The following RBM20 variants were observed in gnomAD, a reference collection of about 807,000 sequenced individuals.
RBM20 encodes RNA binding motif protein 20, also known as RNA-binding protein 20.
RBM20 carries 51 observed loss-of-function variants against 110.1 expected under a neutral mutation model. The observed-to-expected ratio is 0.46, with a 90% CI of 0.37 to 0.59. RBM20 has a LOEUF of 0.59. RBM20 is among the 20% of genes least tolerant of loss of function. The pLI is 0.00. For synonymous variants in RBM20, 589 were observed against 618.2 expected (o/e 0.95, Z 0.70); for missense variants, 1,512 against 1,574.9 (o/e 0.96, Z 0.68).
In RBM20 at chr10:110,784,429, GAAGGTGAGC is replaced by G. The variant is rs1407946459; in HGVS notation, c.1429+2_1429+10del. Reference sequence around the variant, plus strand: ...AGCTGTTTATAACCCTGCTGGGAATGAAGGTGAGCAAGGCCCTACAGGTCAGCAGCTTGA... The same window carrying G: ...AGCTGTTTATAACCCTGCTGGGAATGAAGGCCCTACAGGTCAGCAGCTTGA... On this transcript the variant is annotated splice_donor_variant and splice_donor_5th_base_variant and coding_sequence_variant and intron_variant, in exon 4 of 14. Transcript: ENST00000369519. LOFTEE classifies it high-confidence loss of function. 1 of 1,550,772 alleles carries G rather than the reference GAAGGTGAGC, an allele frequency of 6.4e-7. No homozygotes were observed. Among genetic ancestry groups the G allele is most frequent in the African/African-American group, 1.4e-5 (1 of 73,048 alleles).
At chr10:110,666,029 A>C (rs1255693413) in intron 1 of RBM20, among the ~76,000 whole-genome samples, 1 of 149,698 alleles carries the variant, frequency 6.7e-6, no homozygotes, top group Admixed American at 6.6e-5. Flanking sequence ...GGAAGGAAGG[A>C]AGGAAGGAAA....
At chr10:110,712,250 T>C (rs1249201950) in intron 1 of RBM20, among the ~76,000 whole-genome samples, 1 of 152,216 alleles carries the variant, frequency 6.6e-6, no homozygotes, top group African/African-American at 2.4e-5. Flanking sequence ...ATGCCAGCTC[T>C]GGCCCTCATT....
intron 1 of RBM20, among the ~76,000 whole-genome samples, chr10:110,649,827 T>C (rs1288403125): frequency 1.3e-5 from 2 of 152,202 alleles, no homozygotes; most frequent in African/African-American, 4.8e-5. Flanking sequence ...GGCAGTTCCC[T>C]TTCTGTTTAA....
At chr10:110,691,473 A>G (rs1862584824) in intron 1 of RBM20, among the ~76,000 whole-genome samples, 2 of 152,144 alleles carry the variant, frequency 1.3e-5, no homozygotes. Context: ...TGGCCATCCT[A>G]GTAGGTGTGA....
At chr10:110,727,412 T>TAAAAAAAAAAAATAAAAAAAAAAAATAA (rs753041080) in intron 1 of RBM20, among the ~76,000 whole-genome samples, 6 of 68,910 alleles carry the variant, frequency 8.7e-5, no homozygotes, top group African/African-American at 2.3e-4. Context: ...AAAATAAAAA[T>TAAAAAAAAAAAATAAAAAAAAAAAATAA]AAAAAAAAAA....
chr10:110,682,044 C>A (rs894837838), intron 1 of RBM20, among the ~76,000 whole-genome samples: 4 of 152,146 alleles, frequency 2.6e-5, no homozygotes, highest in Admixed American at 6.5e-5. Flanking sequence ...TGCCCATCAC[C>A]ATGCCCGGCT....
intron 8 of RBM20, among the ~76,000 whole-genome samples, chr10:110,810,846 CGT>C (rs34289852): frequency 1.1e-4 from 17 of 149,036 alleles, no homozygotes; most frequent in African/African-American, 2.2e-4. Flanking sequence ...CATGTGTGTG[CGT>C]GTGTGTGTGT....
At chr10:110,749,805 A>C (rs1432101824) in intron 1 of RBM20, among the ~76,000 whole-genome samples, 1 of 152,204 alleles carries the variant, frequency 6.6e-6, no homozygotes, top group Non-Finnish European at 1.5e-5. Flanking sequence ...TCTATAAAAA[A>C]AGATACTAGA....
chr10:110,818,047 A>G (rs1000844540), intron 9 of RBM20, among the ~76,000 whole-genome samples: 14 of 152,034 alleles, frequency 9.2e-5, no homozygotes, highest in Admixed American at 9.2e-4. Flanking sequence ...TGGGAGGCTG[A>G]GGCAGGCAGA....
At chr10:110,676,055 G>A (rs57124143) in intron 1 of RBM20, among the ~76,000 whole-genome samples, 5,610 of 152,260 alleles carry the variant, frequency 0.037, 353 homozygotes, top group African/African-American at 0.13. Context: ...GATAGTGGGC[G>A]CTGGATTTCT....
chr10:110,660,312 C>G (rs1453514398), intron 1 of RBM20, among the ~76,000 whole-genome samples: 2 of 152,124 alleles, frequency 1.3e-5, no homozygotes, highest in Admixed American at 6.5e-5. Flanking sequence ...GAGACTTACT[C>G]CAACCACCCT....
At position 110,727,143 on chromosome 10, in the gene RBM20, C is replaced by CTTT. The variant is rs57606079; in HGVS notation, c.192-53631_192-53629dup. Among the ~76,000 whole-genome samples, 451 of 80,630 alleles carry CTTT rather than the reference C, an allele frequency of 5.6e-3. 15 individuals are homozygous for CTTT. Among genetic ancestry groups the CTTT allele is most frequent in the Non-Finnish European group, 8.2e-3 (355 of 43,486 alleles). 52.9% of individuals were successfully genotyped at this position (80,630 alleles called of 152,430 possible). ...ACAGGCGTGAGTCACTGCACCCAGC[C>CTTT]TTTTTTTTTTTTTTTTTTTTTTTTT... On this transcript the variant is annotated intron_variant, in intron 1 of 13. Transcript: ENST00000369519.
At chr10:110,652,257 T>G (rs1460588810) in intron 1 of RBM20, among the ~76,000 whole-genome samples, 2 of 152,140 alleles carry the variant, frequency 1.3e-5, no homozygotes, top group Non-Finnish European at 2.9e-5. Flanking sequence ...TGAAAAGATG[T>G]GTATGAGTGT....
chr10:110,705,665 T>A (rs1333027122), intron 1 of RBM20, among the ~76,000 whole-genome samples: 1 of 152,240 alleles, frequency 6.6e-6, no homozygotes, highest in Non-Finnish European at 1.5e-5. Context: ...GTAATACACA[T>A]ATGCTAATTT....
chr10:110,810,117 G>T (rs910237605), intron 7 of RBM20, among the ~76,000 whole-genome samples: 44 of 151,928 alleles, frequency 2.9e-4, no homozygotes, highest in African/African-American at 9.4e-4. Flanking sequence ...AACAAATGCT[G>T]CTTGTCTCCA....
intron 12 of RBM20, among the ~76,000 whole-genome samples, chr10:110,825,562 C>T (rs776050858): frequency 1.3e-5 from 2 of 152,210 alleles, no homozygotes; most frequent in Non-Finnish European, 1.5e-5. Context: ...GATCACACTA[C>T]ACACATAATG....
At position 110,681,302 on chromosome 10, in the gene RBM20, A is replaced by T. The variant is rs145611533; in HGVS notation, c.191+36657A>T. On this transcript the variant is annotated intron_variant, in intron 1 of 13. Transcript: ENST00000369519. ...TGCCAACACTTCCAAGAAAATCTTC[A>T]CATCCACCTATCTTTAAGGGTTAGT... Among the ~76,000 whole-genome samples the T allele has an allele frequency of 2.9e-4, 44 of 152,346 alleles. No homozygotes were observed. The East Asian group carries it at 7.9e-3, about 27-fold the overall frequency.
At chr10:110,657,878 T>C (rs1266474824) in intron 1 of RBM20, among the ~76,000 whole-genome samples, 1 of 152,260 alleles carries the variant, frequency 6.6e-6, no homozygotes, top group Non-Finnish European at 1.5e-5. Flanking sequence ...TCACAAATAT[T>C]GTACATAAGA....
intron 7 of RBM20, among the ~76,000 whole-genome samples, chr10:110,805,745 C>T (rs1844686082): frequency 6.6e-6 from 1 of 152,192 alleles, no homozygotes. Flanking sequence ...TATGCCAGCA[C>T]TTTTCTAGGA....
Sources: allele counts gnomAD v4.1 joint callset (sites outside exome capture counted in the v4.1 genomes callset), GRCh38; gene constraint gnomAD v4.1.1; transcripts MANE v1.5; gene names NCBI Gene and HGNC (gene_info 2026-07-23, HGNC 2026-07-21).